Variants in RBL1 observed in about 807,000 individuals in gnomAD.
RBL1 encodes RB transcriptional corepressor like 1.
Under a neutral mutation model 123.0 loss-of-function variants are expected in RBL1, and 82 were observed. That is an observed-to-expected ratio of 0.67 (90% CI 0.56 to 0.80). The LOEUF (loss-of-function observed/expected upper bound fraction) is 0.80, where lower values mean the gene tolerates loss of function less well. RBL1 is among the 30% of genes least tolerant of loss of function. The pLI, the probability that RBL1 is intolerant of heterozygous loss-of-function variation, is 0.00. For missense variants in RBL1, 1,171 were observed against 1,299.6 expected (o/e 0.90, Z 1.52); for synonymous variants, 405 against 441.3 (o/e 0.92, Z 1.03).
intron 21 of RBL1, 40 bp from the exon 22 acceptor site, chr20:36,998,969 G>T: frequency 1.9e-6 from 3 of 1,565,608 alleles, no homozygotes; most frequent in Non-Finnish European, 1.7e-6. Context: ...AAAAGAGGGA[G>T]AGGGGAAATG....
chr20:37,034,541 G>A (rs1022821101), intron 15 of RBL1, among the ~76,000 whole-genome samples: 27 of 152,026 alleles, frequency 1.8e-4, no homozygotes, highest in Admixed American at 1.4e-3. Context: ...AAAATTAGCT[G>A]GGAGTGGTGG....
At chr20:37,092,719 TGG>T (rs2065668498) in intron 1 of RBL1, among the ~76,000 whole-genome samples, 1 of 152,154 alleles carries the variant, frequency 6.6e-6, no homozygotes, top group South Asian at 2.1e-4. Context: ...CTTGAACTTC[TGG>T]GCTCAAGTGA....
chr20:37,029,605 AG>A (rs1278043436), intron 16 of RBL1, among the ~76,000 whole-genome samples: 2 of 152,236 alleles, frequency 1.3e-5, no homozygotes, highest in African/African-American at 4.8e-5. Flanking sequence ...GCAATAAGGC[AG>A]GAAAAAGAAA....
intron 2 of RBL1, among the ~76,000 whole-genome samples, chr20:37,073,901 T>C (rs1403976134): frequency 6.6e-6 from 1 of 150,730 alleles, no homozygotes; most frequent in Admixed American, 6.6e-5. Flanking sequence ...GGTCAGGAGA[T>C]CGAGACCATC....
At chr20:37,003,890 T>A (rs750519395) in intron 20 of RBL1, 24 bp from the exon 21 acceptor site, 4 of 1,565,826 alleles carry the variant, frequency 2.6e-6, no homozygotes, top group Admixed American at 2.0e-5. Context: ...AAAGTCAGAT[T>A]TTTTAGATAA....
At chr20:37,076,648 T>C (rs1176721401) in intron 2 of RBL1, among the ~76,000 whole-genome samples, 1 of 152,234 alleles carries the variant, frequency 6.6e-6, no homozygotes, top group Non-Finnish European at 1.5e-5. Context: ...AAACCATGGC[T>C]GATGGGCTAC....
chr20:37,074,211 C>T (rs761175948), intron 2 of RBL1, among the ~76,000 whole-genome samples: 1 of 151,620 alleles, frequency 6.6e-6, no homozygotes, highest in Non-Finnish European at 1.5e-5. Context: ...TCCAGGAGTT[C>T]GAGACCAGCC....
At chr20:37,008,339 T>C (rs2064106828) in intron 19 of RBL1, among the ~76,000 whole-genome samples, 3 of 152,222 alleles carry the variant, frequency 2.0e-5, no homozygotes. Context: ...CATTTATTTC[T>C]CTGCAAATAC....
At position 37,036,629 on chromosome 20, in the gene RBL1, T is replaced by C. The variant is rs575958695; in HGVS notation, c.1904-1121A>G. Among the ~76,000 whole-genome samples the C allele has an allele frequency of 1.7e-4, 24 of 144,794 alleles. No individual in the cohort carries two copies. The East Asian group carries it at 4.4e-3, about 26-fold the overall frequency. The allele number at this position is 144,794 out of a possible 152,430, so 95.0% of individuals were successfully genotyped here. On this transcript the variant is annotated intron_variant, in intron 14 of 21. Coordinates refer to ENST00000373664, the MANE Select transcript of RBL1 (RefSeq NM_002895.5). ...GTCATGTAATCTATTTTCTTTTCTT[T>C]TTTTTTTTTTTTTTGAGATGGAGTC...
chr20:37,047,273 G>GA, intron 11 of RBL1, 83 bp from the exon 12 acceptor site: 3 of 1,474,174 alleles, frequency 2.0e-6, no homozygotes, highest in Non-Finnish European at 2.7e-6. Flanking sequence ...ATAAAAACAA[G>GA]AAAAAATAAC....
rs760543539 is a variant in RBL1 at position 37,032,883 on chromosome 20, G to A, written c.2171-7C>T. ...CCAGCATCATTTGCGACACCTGAATGTATAAGCATTATTAGAAATAATCTG... is the reference window on the plus strand; with the variant it reads ...CCAGCATCATTTGCGACACCTGAATATATAAGCATTATTAGAAATAATCTG... On this transcript the variant is annotated splice_region_variant and splice_polypyrimidine_tract_variant and intron_variant, in intron 15 of 21. Transcript: ENST00000373664. 2 of 1,613,418 alleles carry A rather than the reference G, an allele frequency of 1.2e-6. No homozygotes were observed. Among genetic ancestry groups the A allele is most frequent in the South Asian group, 2.2e-5 (2 of 90,832 alleles).
At chr20:37,063,048 T>C (rs2065120583) in intron 7 of RBL1, among the ~76,000 whole-genome samples, 2 of 152,120 alleles carry the variant, frequency 1.3e-5, no homozygotes, top group Admixed American at 6.5e-5. Context: ...TACAGAGTCA[T>C]TGGGTCTGTT....
chr20:37,006,853 A>AC (rs1319920800), intron 20 of RBL1, among the ~76,000 whole-genome samples: 1 of 151,508 alleles, frequency 6.6e-6, no homozygotes, highest in East Asian at 2.0e-4. Flanking sequence ...AAAAAAAAAA[A>AC]AAGAAAACAA....
At chr20:37,020,573 TATAAA>T (rs1296549064) in intron 18 of RBL1, 81 bp downstream of exon 18, 25 of 935,636 alleles carry the variant, frequency 2.7e-5, no homozygotes, top group Non-Finnish European at 3.7e-5. Flanking sequence ...ATATTAAAAC[TATAAA>T]ATAAGTTTAC....
intron 14 of RBL1, among the ~76,000 whole-genome samples, chr20:37,038,336 C>T (rs1411782103): frequency 2.1e-5 from 3 of 139,736 alleles, no homozygotes; most frequent in Non-Finnish European, 3.1e-5. Context: ...GAGACTCGCT[C>T]TTTCGCCCAG....
chr20:37,056,034 C>CT, intron 10 of RBL1, 112 bp downstream of exon 10: 1 of 1,439,846 alleles, frequency 6.9e-7, no homozygotes, highest in East Asian at 2.7e-5. Flanking sequence ...GCAACTCGGT[C>CT]TCAAAAAAAA....
chr20:37,032,345 T>C (rs1327217640), intron 16 of RBL1, among the ~76,000 whole-genome samples: 1 of 152,132 alleles, frequency 6.6e-6, no homozygotes, highest in Non-Finnish European at 1.5e-5. Flanking sequence ...ATGACTTCAC[T>C]CATAGGAAGA....
intron 2 of RBL1, among the ~76,000 whole-genome samples, chr20:37,077,521 C>T (rs2065384052): frequency 6.6e-6 from 1 of 152,182 alleles, no homozygotes; most frequent in African/African-American, 2.4e-5. Flanking sequence ...TGCCTCAAGA[C>T]TCAAACTGCA....
At chr20:37,019,543 A>C (rs951616091) in intron 18 of RBL1, among the ~76,000 whole-genome samples, 1 of 152,184 alleles carries the variant, frequency 6.6e-6, no homozygotes, top group Non-Finnish European at 1.5e-5. Flanking sequence ...AGGATATAAC[A>C]AATACCTGTA....
Sources: gnomAD v4.1 joint callset for allele counts (sites outside exome capture counted in the v4.1 genomes callset) on GRCh38, gnomAD v4.1.1 for gene constraint, MANE v1.5 for transcripts, NCBI Gene and HGNC (gene_info 2026-07-23, HGNC 2026-07-21) for gene names.